Variants in CRYBG2 observed in about 807,000 individuals in gnomAD.
The protein encoded by CRYBG2 is crystallin beta-gamma domain containing 2, also known as beta/gamma crystallin domain-containing protein 2.
CRYBG2 carries 106 observed loss-of-function variants against 153.4 expected under a neutral mutation model. The ratio of observed to expected loss-of-function variants is 0.69; its 90% CI spans 0.59 to 0.81. The LOEUF is 0.81. CRYBG2 is among the 30% of genes least tolerant of loss of function. The pLI, the probability that CRYBG2 is intolerant of heterozygous loss-of-function variation, is 0.00. For synonymous variants in CRYBG2, 851 were observed against 877.8 expected, an observed-to-expected ratio of 0.97 and a Z score of 0.54; for missense variants, 1,996 against 2,112.0, an observed-to-expected ratio of 0.95 and a Z score of 1.08.
intron 1 of CRYBG2, among the ~76,000 whole-genome samples, chr1:26,348,120 T>C (rs1449942800): frequency 6.6e-6 from 1 of 152,212 alleles, no homozygotes; most frequent in Non-Finnish European, 1.5e-5. Flanking sequence ...TAACCTAAAT[T>C]GCTGGCTCAT....
In CRYBG2 at chr1:26,345,288, G is replaced by A. The variant is rs2074198290; in HGVS notation, c.1370C>T (p.Pro457Leu). The A allele has an allele frequency of 2.5e-6, 4 of 1,613,604 alleles. No individual in the cohort carries two copies. In the East Asian group the frequency reaches 8.9e-5, roughly 36 times the overall value. The change falls in exon 2 of 20, where the codon CCC becomes CTC. Residue 457 changes from proline to leucine, a missense_variant. Pro to Leu is a moderately conservative substitution (Grantham distance 98, BLOSUM62 -3). Transcript: ENST00000308182. ...VQNSENVPVL[P>L]FTQREVVKGP... ...CTTCACGACCTCCCTCTGGGTAAAGGGGAGGACAGGGACATTTTCAGAGTT... is the reference window on the plus strand; with the variant it reads ...CTTCACGACCTCCCTCTGGGTAAAGAGGAGGACAGGGACATTTTCAGAGTT...
At chr1:26,339,538 A>C in intron 5 of CRYBG2, 109 bp from the exon 6 acceptor site, 1 of 1,209,450 alleles carries the variant, frequency 8.3e-7, no homozygotes, top group Non-Finnish European at 1.2e-6. Context: ...ACCTGAGGTC[A>C]GCAGTTCGAG....
chr1:26,344,639 G>T lies in CRYBG2; in HGVS notation c.2019C>A (p.Thr673=). 1 of 1,535,796 alleles carries T rather than the reference G, an allele frequency of 6.5e-7. No individual in the cohort carries two copies. The highest frequency in any genetic ancestry group is 8.7e-7 in the Non-Finnish European group (1 of 1,146,714). The part of the protein sequence containing the change: ...ETVQGPIAPA[T]SLPKQDKGVQ... The stretch of plus-strand genomic sequence containing the variant: ...CCCCCTTATCCTGTTTGGGGAGTGA[G>T]GTGGCAGGAGCAATTGGGCCTTGAA... Residue 673 remains threonine, a synonymous_variant, in exon 2 of 20, where the codon ACC becomes ACA. Transcript: ENST00000308182.
Position 26,336,643 on chromosome 1 carries a change from C to T in CRYBG2, c.4001G>A (p.Gly1334Asp), listed in dbSNP as rs1373977483. ...CTGCAGCGAGGCGAGGGTGCTGTTG[C>T]CAGCGCCCCAGTCCTCGCAGTTACG... ...VYRNCEDWGA[G>D]NSTLASLQPV... is the part of the protein sequence containing the mutation. The change falls in exon 12 of 20, where the codon GGC becomes GAC. Residue 1334 changes from glycine to aspartate, a missense_variant. Transcript: ENST00000308182. This position sits in a 1 kb window ranked among gnomAD's most constrained non-coding sequence, Gnocchi z 4.9. 1 of 1,551,056 alleles carries T rather than the reference C, an allele frequency of 6.4e-7. No homozygotes were observed. Among genetic ancestry groups the T allele is most frequent in the Non-Finnish European group, 8.7e-7 (1 of 1,147,032 alleles).
At chr1:26,328,570 G>A (rs2073960894) in intron 16 of CRYBG2, 164 bp downstream of exon 16, 9 of 1,198,798 alleles carry the variant, frequency 7.5e-6, no homozygotes, top group Admixed American at 2.6e-5. Context: ...AGCCCTGAGA[G>A]CCAGTGACCC....
rs1005026931 is a variant in CRYBG2 at position 26,328,247 on chromosome 1, C to T, written c.4540G>A (p.Gly1514Ser). 5.8e-6 allele frequency: 9 copies of T among 1,564,220 alleles called. No individual in the cohort carries two copies. The highest frequency in any genetic ancestry group is 4.8e-5 in the East Asian group (2 of 41,718). ...CEITNWLTYS[G>S]TQRVGSLYPI... Reference sequence around the variant, plus strand: ...TAGAGGGAGCCCACCCTCTGGGTGCCGCTGTAGGTCAGCCAGTTGGTGATC... The same window carrying T: ...TAGAGGGAGCCCACCCTCTGGGTGCTGCTGTAGGTCAGCCAGTTGGTGATC... The change falls in exon 17 of 20, where the codon GGC (glycine) becomes AGC (serine). Residue 1514 changes from glycine to serine, a missense_variant. Transcript: ENST00000308182.
intron 10 of CRYBG2, 124 bp downstream of exon 10, chr1:26,337,129 A>C (rs943642953): frequency 3.2e-6 from 5 of 1,548,954 alleles, no homozygotes; most frequent in Non-Finnish European, 4.4e-6. Flanking sequence ...GAGAGGCTAG[A>C]CCTCTGGGAA....
chr1:26,331,610 A>C lies in CRYBG2; in HGVS notation c.4193T>G (p.Leu1398Arg). 5 of 1,613,968 alleles carry C rather than the reference A, an allele frequency of 3.1e-6. No individual in the cohort carries two copies. The highest frequency in any genetic ancestry group is 4.2e-6 in the Non-Finnish European group (5 of 1,180,008). Residue 1398 changes from leucine (L) to arginine (R), a missense_variant, in exon 15 of 20, where the codon CTG becomes CGG. Physicochemically the swap from Leu to Arg is moderately radical, Grantham distance 102. Coordinates refer to ENST00000308182, the MANE Select transcript of CRYBG2 (RefSeq NM_001039775.4). ...ACCCTCGAAGTTCGTCTCATCAAAC[A>C]GGATCCAGCTAGGGAAGGGGAAGAA... is the stretch of plus-strand genomic sequence containing the variant. ...SCRVHGGSWILFDETNFEGDQ... is the reference protein window; with the variant it reads ...SCRVHGGSWIRFDETNFEGDQ...
chr1:26,342,138 T>G (rs540734644), intron 5 of CRYBG2, among the ~76,000 whole-genome samples: 1 of 152,240 alleles, frequency 6.6e-6, no homozygotes, highest in Admixed American at 6.5e-5. Flanking sequence ...ACTGGGGGCC[T>G]GCATGCTGGC....
At position 26,336,567 on chromosome 1, in the gene CRYBG2, G is replaced by T; in HGVS notation, c.4038+39C>A. 2.6e-6 allele frequency: 4 copies of T among 1,540,294 alleles called. No homozygotes were observed. The highest frequency in any genetic ancestry group is 3.5e-6 in the Non-Finnish European group (4 of 1,142,516). On this transcript the variant is annotated intron_variant, in intron 12 of 19. Transcript: ENST00000308182. The surrounding 1 kb of genome is among the most constrained non-coding windows in gnomAD (Gnocchi z 4.9). ...GGGGCGCACCCGAACTCCAGGTCCC[G>T]CCACCGGGGAGGCCCCGCCCCCCGC...
rs747884990 is a variant in CRYBG2 at position 26,324,175 on chromosome 1, C to T, written c.4714G>A (p.Glu1572Lys). Residue 1572 changes from glutamate to lysine, a missense_variant, in exon 18 of 20, where the codon GAG (glutamate) becomes AAG (lysine). By Grantham distance (56) the Glu-to-Lys change is moderately conservative. Coordinates refer to ENST00000308182, the MANE Select transcript of CRYBG2 (RefSeq NM_001039775.4). ...ACCTGGTTCTTCAGCAGCCCATCCT[C>T]GTAGTACCAGATGCAGCTACCTCCA... The part of the protein sequence containing the change: ...QAGGSCIWYY[E>K]DGLLKNQMAP... The T allele has an allele frequency of 1.3e-5, 21 of 1,613,522 alleles. No individual in the cohort carries two copies. Among genetic ancestry groups the T allele is most frequent in the South Asian group, 4.4e-5 (4 of 91,068 alleles).
intron 1 of CRYBG2, among the ~76,000 whole-genome samples, chr1:26,351,606 G>A (rs534392899): frequency 5.9e-4 from 90 of 152,258 alleles, no homozygotes; most frequent in African/African-American, 2.0e-3. Context: ...TAAAGGAGGC[G>A]GCCGATCATG....
Position 26,343,060 on chromosome 1 carries a change from C to T in CRYBG2, c.3061G>A (p.Val1021Ile). The change falls in exon 4 of 20, where the codon GTA becomes ATA. Residue 1021 changes from valine to isoleucine, a missense_variant. Coordinates refer to ENST00000308182, the MANE Select transcript of CRYBG2 (RefSeq NM_001039775.4). The surrounding 1 kb of genome is among the most constrained non-coding windows in gnomAD (Gnocchi z 4.1). Reference sequence around the variant, plus strand: ...CTCCCCACTCACCAGCCTCGAACTACCCTTATGGAGGCTACGGGGGCCCAG... The same window carrying T: ...CTCCCCACTCACCAGCCTCGAACTATCCTTATGGAGGCTACGGGGGCCCAG... The part of the protein sequence containing the change: ...SGWAPVASIR[V>I]VRGCWVLYEE... The T allele has an allele frequency of 2.6e-6, 4 of 1,550,218 alleles. No homozygotes were observed. Among genetic ancestry groups the T allele is most frequent in the Non-Finnish European group, 3.5e-6 (4 of 1,146,762 alleles).
chr1:26,345,137 T>A lies in CRYBG2; in HGVS notation c.1521A>T (p.Ser507=). ...VVKGPGAPAA[S]SPTQKEVVQG... ...GCACCACCTCCTTCTGGGTGGGAGA[T>A]GAGGCAGCAGGAGCACCAGGGCCCT... The change falls in exon 2 of 20, where the codon TCA becomes TCT. Residue 507 remains serine (S), a synonymous_variant. Coordinates refer to ENST00000308182, the MANE Select transcript of CRYBG2 (RefSeq NM_001039775.4). The A allele has an allele frequency of 8.9e-7, 1 of 1,122,312 alleles. No individual in the cohort carries two copies. Among genetic ancestry groups the A allele is most frequent in the Non-Finnish European group, 1.2e-6 (1 of 828,402 alleles). The allele number at this position is 1,122,312 out of a possible 1,614,324, so 69.5% of individuals were successfully genotyped here. A position where few individuals can be genotyped will look rare whatever the true frequency, so the allele number is the denominator to read the frequency against.
rs4443881 is a variant in CRYBG2 at position 26,342,303 on chromosome 1, A to C, written c.3204+451T>G. Among the ~76,000 whole-genome samples, 4 of 152,040 alleles carry C rather than the reference A, an allele frequency of 2.6e-5. No individual in the cohort carries two copies. In the East Asian group the frequency reaches 7.7e-4, roughly 29 times the overall value. Reference sequence around the variant, plus strand: ...CCTGACTCCTCAAGCCAGGCTGCCCATTCCCCAGAATCTCTTTCTTCCCCA... The same window carrying C: ...CCTGACTCCTCAAGCCAGGCTGCCCCTTCCCCAGAATCTCTTTCTTCCCCA... On this transcript the variant is annotated intron_variant, in intron 5 of 19. Coordinates refer to ENST00000308182, the MANE Select transcript of CRYBG2 (RefSeq NM_001039775.4).
In CRYBG2 at chr1:26,322,067, G is replaced by A. The variant is rs750746000; in HGVS notation, c.4898-11C>T. On this transcript the variant is annotated splice_polypyrimidine_tract_variant and intron_variant, in intron 19 of 19. Transcript: ENST00000308182. Reference sequence around the variant, plus strand: ...CGTAGCCCCGGCCTCCTGGGGGTGGGATGGGGATTAAAAGATAGGGAGATA... The same window carrying A: ...CGTAGCCCCGGCCTCCTGGGGGTGGAATGGGGATTAAAAGATAGGGAGATA... The A allele has an allele frequency of 6.2e-7, 1 of 1,605,192 alleles. No individual in the cohort carries two copies. The highest frequency in any genetic ancestry group is 2.2e-5 in the East Asian group (1 of 44,600).
At chr1:26,331,204 G>T (rs1037724213) in intron 15 of CRYBG2, among the ~76,000 whole-genome samples, 1 of 152,190 alleles carries the variant, frequency 6.6e-6, no homozygotes, top group African/African-American at 2.4e-5. Context: ...CCTGTATCTG[G>T]ATGCACCACT....
In CRYBG2 at chr1:26,345,106, A is replaced by G. The variant is rs2074193786; in HGVS notation, c.1552T>C (p.Ser518Pro). 9.9e-7 allele frequency: 1 copy of G among 1,006,422 alleles called. No homozygotes were observed. The highest frequency in any genetic ancestry group is 1.3e-6 in the Non-Finnish European group (1 of 754,408). 62.3% of individuals were successfully genotyped at this position (1,006,422 alleles called of 1,614,324 possible). The change falls in exon 2 of 20, where the codon TCC becomes CCC. Residue 518 changes from serine to proline, a missense_variant. Ser to Pro is a moderately conservative substitution (Grantham distance 74). Transcript: ENST00000308182. ...SPTQKEVVQG[S>P]SAPAALFPTW... ...GGGAACAAGGCAGCAGGAGCACTGG[A>G]CCCCTGCACCACCTCCTTCTGGGTG...
At chr1:26,348,339 T>C (rs1222256603) in intron 1 of CRYBG2, among the ~76,000 whole-genome samples, 5 of 152,134 alleles carry the variant, frequency 3.3e-5, no homozygotes, top group African/African-American at 1.2e-4. Context: ...GGAGGATTGC[T>C]TGAGGCCAGC....
Sources: gnomAD v4.1 joint callset for allele counts (sites outside exome capture counted in the v4.1 genomes callset) on GRCh38, gnomAD v4.1.1 for gene constraint, Gnocchi (gnomAD v3.1) non-coding constraint, MANE v1.5 for transcripts, NCBI Gene and HGNC (gene_info 2026-07-23, HGNC 2026-07-21) for gene names.